Variants in NUP210L observed in about 807,000 individuals in gnomAD.
NUP210L encodes nucleoporin 210 like, also known as nuclear pore membrane glycoprotein 210-like.
A neutral mutation model predicts 208.5 loss-of-function variants in NUP210L; 74 were observed. The ratio of observed to expected loss-of-function variants is 0.35; its 90% CI spans 0.29 to 0.43. The LOEUF (loss-of-function observed/expected upper bound fraction) is 0.43. Ranked by LOEUF, NUP210L falls within the 20% of genes least tolerant of loss-of-function variation. The pLI is 1.00. For synonymous variants in NUP210L, 780 were observed against 816.9 expected, an observed-to-expected ratio of 0.95 and a Z score of 0.77; for missense variants, 1,843 against 2,289.4, an observed-to-expected ratio of 0.81 and a Z score of 3.98.
chr1:154,023,275 C>T (rs761882915), exon 31 of NUP210L: 20 of 1,610,300 alleles, frequency 1.2e-5, no homozygotes, highest in Non-Finnish European at 1.4e-5. Context: ...GCTGCTCACT[C>T]GCAGGTATGT....
At chr1:154,046,445 T>C in intron 25 of NUP210L, 76 bp from the exon 26 acceptor site, 1 of 1,180,512 alleles carries the variant, frequency 8.5e-7, no homozygotes, top group Non-Finnish European at 1.3e-6. Context: ...TTTTGATAAC[T>C]AGTTTGCTAT....
intron 32 of NUP210L, 122 bp from the exon 33 acceptor site, chr1:154,019,191 C>G (rs950859162): frequency 7.6e-6 from 7 of 915,626 alleles, no homozygotes; most frequent in African/African-American, 1.7e-5. Flanking sequence ...GGAGAAACAG[C>G]CAGCTTTGAA....
At chr1:154,135,886 T>C in exon 7 of NUP210L, 4 of 1,611,936 alleles carry the variant, frequency 2.5e-6, no homozygotes, top group Non-Finnish European at 3.4e-6. Context: ...TCATCCAGTA[T>C]AGCCACTTTC....
intron 15 of NUP210L, among the ~76,000 whole-genome samples, chr1:154,092,550 GTTTTTTT>G (rs760240667): frequency 7.8e-5 from 10 of 128,544 alleles, no homozygotes; most frequent in East Asian, 2.1e-4. Context: ...TTTGTTTTTT[GTTTTTTT>G]TTTTTTTTTA....
chr1:153,996,289 T>C (rs1182396302), intron 37 of NUP210L, among the ~76,000 whole-genome samples: 14 of 152,140 alleles, frequency 9.2e-5, no homozygotes, highest in Admixed American at 5.9e-4. Context: ...CAGACTCTAT[T>C]TCAAACAAAA....
chr1:154,099,789 T>C (rs1656369697), intron 14 of NUP210L, among the ~76,000 whole-genome samples: 1 of 152,238 alleles, frequency 6.6e-6, no homozygotes, highest in Non-Finnish European at 1.5e-5. Flanking sequence ...CTTAAAGATA[T>C]TCCTGTGACA....
chr1:154,121,705 A>G (rs1366461929), intron 10 of NUP210L, among the ~76,000 whole-genome samples: 1 of 152,022 alleles, frequency 6.6e-6, no homozygotes, highest in Non-Finnish European at 1.5e-5. Flanking sequence ...CGTCTCTACT[A>G]AAAATACAAA....
chr1:154,103,604 G>A (rs1318953577), intron 13 of NUP210L, among the ~76,000 whole-genome samples: 42 of 147,140 alleles, frequency 2.9e-4, no homozygotes, highest in Non-Finnish European at 4.8e-4. Flanking sequence ...CCCGGGAGGC[G>A]GAGCTTGCAG....
chr1:154,022,531 C>CT (rs758870540), intron 31 of NUP210L, among the ~76,000 whole-genome samples, 188 bp from the exon 32 acceptor site: 516 of 144,384 alleles, frequency 3.6e-3, no homozygotes, highest in African/African-American at 9.2e-3. Context: ...CCCAGGAAGG[C>CT]TTTTTTTTTT....
At chr1:154,107,612 T>A (rs1656835519) in intron 12 of NUP210L, among the ~76,000 whole-genome samples, 1 of 152,090 alleles carries the variant, frequency 6.6e-6, no homozygotes. Flanking sequence ...ACACCTGTAA[T>A]CCCAGCACTT....
At chr1:154,006,137 C>T (rs1402972073) in intron 35 of NUP210L, among the ~76,000 whole-genome samples, 3 of 152,146 alleles carry the variant, frequency 2.0e-5, no homozygotes, top group East Asian at 1.9e-4. Flanking sequence ...GGATTACAGG[C>T]GTGAGCCACC....
intron 37 of NUP210L, among the ~76,000 whole-genome samples, chr1:153,996,192 T>G (rs1463657201): frequency 6.6e-6 from 1 of 151,988 alleles, no homozygotes; most frequent in African/African-American, 2.4e-5. Context: ...CTTGGGAGGC[T>G]GAGGCAGAAG....
chr1:154,109,636 T>C (rs1378411365), intron 12 of NUP210L, among the ~76,000 whole-genome samples: 1 of 151,556 alleles, frequency 6.6e-6, no homozygotes, highest in Non-Finnish European at 1.5e-5. Flanking sequence ...TATTCAAGAA[T>C]AGACTACGTT....
At chr1:154,051,151 C>T (rs1329009451) in intron 25 of NUP210L, among the ~76,000 whole-genome samples, 1 of 152,134 alleles carries the variant, frequency 6.6e-6, no homozygotes, top group African/African-American at 2.4e-5. Context: ...GGACCTTTAA[C>T]TGAAGGGAAT....
Position 154,116,022 on chromosome 1 carries a change from G to A in NUP210L, c.1620+1703C>T, listed in dbSNP as rs775504709. Among the ~76,000 whole-genome samples the A allele has an allele frequency of 3.9e-5, 6 of 152,186 alleles. No homozygotes were observed. In the South Asian group the frequency reaches 6.2e-4, roughly 16 times the overall value. The stretch of plus-strand genomic sequence containing the variant: ...TGTAATCCCAGCACTTTGGGAGGCC[G>A]AGGCAGGTGGATCACGAGGTCAGGA... On this transcript the variant is annotated intron_variant, in intron 12 of 39. Transcript: ENST00000368559.
At chr1:154,015,722 A>AACACAC (rs372823301) in intron 33 of NUP210L, among the ~76,000 whole-genome samples, 2,584 of 144,430 alleles carry the variant, frequency 0.018, 31 homozygotes, top group Middle Eastern at 0.036. Context: ...TCTGTCTCAA[A>AACACAC]ACACACACAC....
chr1:154,063,297 A>G (rs1386515069), intron 17 of NUP210L, among the ~76,000 whole-genome samples: 2 of 152,218 alleles, frequency 1.3e-5, no homozygotes, highest in East Asian at 3.8e-4. Context: ...AGCCCAGTGA[A>G]GATGTGAGAA....
intron 12 of NUP210L, among the ~76,000 whole-genome samples, chr1:154,114,811 G>T (rs975995039): frequency 1.3e-5 from 2 of 150,950 alleles, no homozygotes; most frequent in Non-Finnish European, 3.0e-5. Context: ...TGTCCAGGCT[G>T]GTCTCGAACT....
At chr1:154,094,522 C>T (rs552512943) in intron 15 of NUP210L, among the ~76,000 whole-genome samples, 2 of 152,190 alleles carry the variant, frequency 1.3e-5, no homozygotes, top group Non-Finnish European at 2.9e-5. Flanking sequence ...ATTTATTATT[C>T]GTATCAGTGT....
Sources: allele counts gnomAD v4.1 joint callset (sites outside exome capture counted in the v4.1 genomes callset), GRCh38; gene constraint gnomAD v4.1.1; transcripts MANE v1.5; gene names NCBI Gene and HGNC (gene_info 2026-07-23, HGNC 2026-07-21).